ARHGAP24: variants seen among roughly 807,000 people sequenced by gnomAD.
ARHGAP24 encodes the protein rho GTPase-activating protein 24.
A neutral mutation model predicts 76.4 loss-of-function variants in ARHGAP24; 50 were observed. That is an observed-to-expected ratio of 0.65 (90% CI 0.52 to 0.83). ARHGAP24 has a LOEUF of 0.83. Ranked by LOEUF, ARHGAP24 falls within the 40% of genes least tolerant of loss-of-function variation. The pLI, the probability that ARHGAP24 is intolerant of heterozygous loss-of-function variation, is 0.00. For synonymous variants in ARHGAP24, 345 were observed against 323.3 expected, an observed-to-expected ratio of 1.07 and a Z score of -0.72; for missense variants, 930 against 914.2, an observed-to-expected ratio of 1.02 and a Z score of -0.22.
chr4:85,586,270 C>A (rs938185732), intron 2 of ARHGAP24, among the ~76,000 whole-genome samples: 1 of 151,894 alleles, frequency 6.6e-6, no homozygotes, highest in African/African-American at 2.4e-5. Context: ...TGATTCAAGA[C>A]CACATACACT....
chr4:85,970,532 GA>G (rs1293432613), intron 5 of ARHGAP24, among the ~76,000 whole-genome samples: 4 of 152,088 alleles, frequency 2.6e-5, no homozygotes, highest in Non-Finnish European at 5.9e-5. Context: ...TACCCATTAG[GA>G]GTAGATGTGC....
intron 7 of ARHGAP24, among the ~76,000 whole-genome samples, chr4:85,976,370 T>C (rs1037142082): frequency 2.0e-5 from 3 of 152,156 alleles, no homozygotes; most frequent in African/African-American, 7.2e-5. Flanking sequence ...AAGTCTTAGC[T>C]TTGCCCCTTA....
chr4:85,915,124 A>G (rs1319545672), intron 3 of ARHGAP24, among the ~76,000 whole-genome samples: 1 of 152,222 alleles, frequency 6.6e-6, no homozygotes, highest in East Asian at 1.9e-4. Context: ...CAAAAGTGGA[A>G]GTCAGAATAT....
chr4:85,967,650 C>T (rs1428175791), intron 5 of ARHGAP24, among the ~76,000 whole-genome samples: 3 of 152,146 alleles, frequency 2.0e-5, no homozygotes, highest in Non-Finnish European at 4.4e-5. Context: ...CTATCTTGTG[C>T]TGCCTTTTTC....
At chr4:85,766,057 C>T (rs1033629973) in intron 3 of ARHGAP24, among the ~76,000 whole-genome samples, 1 of 152,112 alleles carries the variant, frequency 6.6e-6, no homozygotes, top group African/African-American at 2.4e-5. Context: ...TCTTGTACTT[C>T]ACAATCTGCT....
intron 9 of ARHGAP24, 148 bp downstream of exon 9, chr4:85,995,805 G>A: frequency 2.5e-6 from 2 of 792,262 alleles, no homozygotes. Context: ...GTGACTGTGT[G>A]CAAGTTAGCT....
intron 1 of ARHGAP24, among the ~76,000 whole-genome samples, chr4:85,564,311 T>C (rs979200836): frequency 1.3e-5 from 2 of 151,696 alleles, no homozygotes; most frequent in Non-Finnish European, 2.9e-5. Context: ...ACAAGCACTG[T>C]ATGTTCTCGC....
intron 3 of ARHGAP24, among the ~76,000 whole-genome samples, chr4:85,835,367 A>G (rs899050893): frequency 1.3e-5 from 2 of 151,798 alleles, no homozygotes; most frequent in Non-Finnish European, 2.9e-5. Context: ...AGACCATCCT[A>G]GCTAACACGG....
At chr4:85,579,607 G>A (rs1462725477) in intron 2 of ARHGAP24, among the ~76,000 whole-genome samples, 1 of 148,028 alleles carries the variant, frequency 6.8e-6, no homozygotes, top group Non-Finnish European at 1.5e-5. Flanking sequence ...TCATTCATTT[G>A]GTGACTATTT....
intron 1 of ARHGAP24, among the ~76,000 whole-genome samples, chr4:85,520,670 A>G (rs1321637843): frequency 6.6e-6 from 1 of 152,164 alleles, no homozygotes; most frequent in Non-Finnish European, 1.5e-5. Flanking sequence ...GTCAGCTGCC[A>G]TCTCTGCAGG....
intron 1 of ARHGAP24, among the ~76,000 whole-genome samples, chr4:85,525,353 T>G (rs1301298248): frequency 6.6e-6 from 1 of 151,918 alleles, no homozygotes; most frequent in Non-Finnish European, 1.5e-5. Context: ...TTACAAATTT[T>G]TACTTTATTT....
intron 1 of ARHGAP24, among the ~76,000 whole-genome samples, chr4:85,552,978 A>C (rs941909867): frequency 2.0e-5 from 3 of 152,058 alleles, no homozygotes; most frequent in African/African-American, 4.8e-5. Flanking sequence ...AGACCCTTGC[A>C]GCGAGTGTTA....
intron 1 of ARHGAP24, among the ~76,000 whole-genome samples, chr4:85,548,570 G>A (rs751669338): frequency 4.6e-5 from 7 of 152,080 alleles, no homozygotes; most frequent in African/African-American, 1.7e-4. Flanking sequence ...CTGTTTGCTC[G>A]ACTTGGAATA....
At chr4:85,485,110 C>A (rs1179398092) in intron 1 of ARHGAP24, among the ~76,000 whole-genome samples, 1 of 151,340 alleles carries the variant, frequency 6.6e-6, no homozygotes. Flanking sequence ...TTTGTTGAGG[C>A]CAAGGCGGGT....
At chr4:85,698,419 G>T (rs994874659) in intron 2 of ARHGAP24, among the ~76,000 whole-genome samples, 1 of 152,152 alleles carries the variant, frequency 6.6e-6, no homozygotes, top group Non-Finnish European at 1.5e-5. Flanking sequence ...ACATGATTTT[G>T]TGGGATTCTT....
intron 3 of ARHGAP24, among the ~76,000 whole-genome samples, chr4:85,811,837 G>A (rs983178072): frequency 3.3e-5 from 5 of 152,124 alleles, no homozygotes; most frequent in Non-Finnish European, 7.4e-5. Context: ...TATGTATAGA[G>A]AAATAAAAGC....
intron 5 of ARHGAP24, among the ~76,000 whole-genome samples, chr4:85,967,402 ATGAT>A (rs1248045420): frequency 1.1e-4 from 16 of 152,130 alleles, no homozygotes; most frequent in East Asian, 3.9e-4. Flanking sequence ...TGTTGAGTGA[ATGAT>A]TGATCCCAGA....
At chr4:85,498,484 C>G (rs748055186) in intron 1 of ARHGAP24, among the ~76,000 whole-genome samples, 4 of 152,192 alleles carry the variant, frequency 2.6e-5, no homozygotes, top group Non-Finnish European at 5.9e-5. Context: ...AAGAGAGTGA[C>G]CTGTGCCCTG....
At chr4:85,640,381 C>T (rs1454932605) in intron 2 of ARHGAP24, among the ~76,000 whole-genome samples, 1 of 152,212 alleles carries the variant, frequency 6.6e-6, no homozygotes, top group Non-Finnish European at 1.5e-5. Flanking sequence ...CCCTGGTCTT[C>T]CCTATGTGGC....
Sources: allele counts gnomAD v4.1 joint callset (sites outside exome capture counted in the v4.1 genomes callset), GRCh38; gene constraint gnomAD v4.1.1; transcripts MANE v1.5; gene names NCBI Gene and HGNC (gene_info 2026-07-23, HGNC 2026-07-21).